MYD88: variants seen among roughly 807,000 people sequenced by gnomAD.
The protein encoded by MYD88 is myeloid differentiation primary response protein MyD88.
A neutral mutation model predicts 31.1 loss-of-function variants in MYD88; 15 were observed. The observed-to-expected ratio is 0.48, with a 90% CI of 0.32 to 0.74. The LOEUF (loss-of-function observed/expected upper bound fraction) is 0.74, where lower values mean the gene tolerates loss of function less well. MYD88 is among the 30% of genes least tolerant of loss of function. The probability of loss-of-function intolerance (pLI) is 0.03; values close to 1 mark genes in which losing one functional copy is unlikely to be tolerated. For missense variants in MYD88, 308 were observed against 387.4 expected, an observed-to-expected ratio of 0.79 and a Z score of 1.72; for synonymous variants, 157 against 158.8, an observed-to-expected ratio of 0.99 and a Z score of 0.08.
Position 38,140,933 on chromosome 3 carries a change from G to C in MYD88, c.736+85G>C, listed in dbSNP as rs577747738. 234 of 1,418,170 alleles carry C rather than the reference G, an allele frequency of 1.7e-4. 1 individual carries two copies. In the Middle Eastern group the frequency reaches 6.1e-3, roughly 37 times the overall value. 87.8% of individuals were successfully genotyped at this position (1,418,170 alleles called of 1,614,324 possible). ...TGTCAGCCTTCCCTCCCCAAGGACTGTGGATGCAGTACCAAAGAACTGCTG... is the reference window on the plus strand; with the variant it reads ...TGTCAGCCTTCCCTCCCCAAGGACTCTGGATGCAGTACCAAAGAACTGCTG... On this transcript the variant is annotated intron_variant, in intron 4 of 4. Coordinates refer to ENST00000650905, the MANE Select transcript of MYD88 (RefSeq NM_002468.5).
In MYD88 at chr3:38,140,486, C is replaced by T. The variant is rs755841635; in HGVS notation, c.562C>T (p.Arg188Ter). 1 of 1,614,234 alleles carries T rather than the reference C, an allele frequency of 6.2e-7. No individual in the cohort carries two copies. Among genetic ancestry groups the T allele is most frequent in the Non-Finnish European group, 8.5e-7 (1 of 1,180,038 alleles). ...CCGGCAACTGGAACAGACAAACTAT[C>T]GACTGAAGTTGTGTGTGTCTGACCG... Reference protein sequence around the residue: ...MIRQLEQTNYRLKLCVSDRDV... With the variant: ...MIRQLEQTNY Residue 188 changes from arginine to a stop codon, truncating the protein, a stop_gained, in exon 3 of 5, where the codon CGA becomes TGA. Coordinates refer to ENST00000650905, the MANE Select transcript of MYD88 (RefSeq NM_002468.5). LOFTEE classifies it high-confidence loss of function.
In MYD88 at chr3:38,142,877, T is replaced by C; in HGVS notation, c.*1591T>C. Reference sequence around the variant, plus strand: ...TAATACTGGGCATTTTAAAGCCATCTCAAGAGGCATCTTCTACATGTTTTG... The same window carrying C: ...TAATACTGGGCATTTTAAAGCCATCCCAAGAGGCATCTTCTACATGTTTTG... On this transcript the variant is annotated 3_prime_UTR_variant, in exon 5 of 5. Transcript: ENST00000650905. 1 of 233,318 alleles carries C rather than the reference T, an allele frequency of 4.3e-6. No homozygotes were observed. The highest frequency in any genetic ancestry group is 5.6e-5 in the Admixed American group (1 of 17,800). 14.5% of individuals were successfully genotyped at this position (233,318 alleles called of 1,614,324 possible).
At position 38,139,809 on chromosome 3, in the gene MYD88, G is replaced by A; in HGVS notation, c.329-55G>A. On this transcript the variant is annotated intron_variant, in intron 1 of 4. Coordinates refer to ENST00000650905, the MANE Select transcript of MYD88 (RefSeq NM_002468.5). This position sits in a 1 kb window ranked among gnomAD's most constrained non-coding sequence, Gnocchi z 4.7. ...GGACAGCGGCTGGATCCTGACTGTG[G>A]GTAAAGAGGTAGGCACTCCCAGGGA... 1.2e-6 allele frequency: 2 copies of A among 1,607,688 alleles called. No individual in the cohort carries two copies. Among genetic ancestry groups the A allele is most frequent in the South Asian group, 1.1e-5 (1 of 90,602 alleles).
Position 38,140,854 on chromosome 3 carries a change from CT to C in MYD88, c.736+7del. 1 of 1,612,302 alleles carries C rather than the reference CT, an allele frequency of 6.2e-7. No homozygotes were observed. The highest frequency in any genetic ancestry group is 8.5e-7 in the Non-Finnish European group (1 of 1,178,306). ...TGCACTCAGCCTCTCTCCAGGTAAG[CT>C]CAACCCTGCTCTGGCAAGAGAATGA... On this transcript the variant is annotated splice_region_variant and intron_variant, in intron 4 of 4. Transcript: ENST00000650905.
Position 38,139,932 on chromosome 3 carries a change from G to A in MYD88, c.397G>A (p.Ala133Thr), listed in dbSNP as rs1701032885. 2 of 1,613,592 alleles carry A rather than the reference G, an allele frequency of 1.2e-6. No homozygotes were observed. The highest frequency in any genetic ancestry group is 8.5e-7 in the Non-Finnish European group (1 of 1,179,972). The change falls in exon 2 of 5, where the codon GCT becomes ACT. Residue 133 changes from alanine (A) to threonine (T), a missense_variant. Ala to Thr is a moderately conservative substitution (Grantham distance 58). Coordinates refer to ENST00000650905, the MANE Select transcript of MYD88 (RefSeq NM_002468.5). The surrounding 1 kb of genome is among the most constrained non-coding windows in gnomAD (Gnocchi z 4.7). ...EEAEKPLQVA[A>T]VDSSVPRTAE... ...GGCTGAGAAGCCTTTACAGGTGGCCGCTGTAGACAGCAGTGTCCCACGGAC... is the reference window on the plus strand; with the variant it reads ...GGCTGAGAAGCCTTTACAGGTGGCCACTGTAGACAGCAGTGTCCCACGGAC...
chr3:38,141,299 G>A lies in MYD88; in HGVS notation c.*13G>A. 6.2e-7 allele frequency: 1 copy of A among 1,614,206 alleles called. No individual in the cohort carries two copies. Among genetic ancestry groups the A allele is most frequent in the African/African-American group, 1.3e-5 (1 of 75,060 alleles). On this transcript the variant is annotated 3_prime_UTR_variant, in exon 5 of 5. Coordinates refer to ENST00000650905, the MANE Select transcript of MYD88 (RefSeq NM_002468.5). ...GTCCCTGCCCTGAAGACTGTTCTGA[G>A]GCCCTGGGTGTGTGTGTATCTGTCT... is the stretch of plus-strand genomic sequence containing the variant.
rs2125777200 is a variant in MYD88 at position 38,139,848 on chromosome 3, T to C, written c.329-16T>C. Reference sequence around the variant, plus strand: ...CACTCCCAGGGAGGCTGCTTTACTCTGTCTCTTCCCCACAGAGGAGGATTG... The same window carrying C: ...CACTCCCAGGGAGGCTGCTTTACTCCGTCTCTTCCCCACAGAGGAGGATTG... On this transcript the variant is annotated splice_polypyrimidine_tract_variant and intron_variant, in intron 1 of 4. Transcript: ENST00000650905. This position sits in a 1 kb window ranked among gnomAD's most constrained non-coding sequence, Gnocchi z 4.7. The C allele has an allele frequency of 3.7e-6, 6 of 1,612,286 alleles. No individual in the cohort carries two copies. Among genetic ancestry groups the C allele is most frequent in the Non-Finnish European group, 5.1e-6 (6 of 1,179,968 alleles).
Position 38,141,822 on chromosome 3 carries a change from C to T in MYD88, c.*536C>T, listed in dbSNP as rs1393611782. ...CTGATGCTTCAGTGCCTCTGCACAC[C>T]GCCCATTCCACTTCCTCCTTCCCCA... On this transcript the variant is annotated 3_prime_UTR_variant, in exon 5 of 5. Coordinates refer to ENST00000650905, the MANE Select transcript of MYD88 (RefSeq NM_002468.5). 5.8e-5 allele frequency: 16 copies of T among 277,172 alleles called. No individual in the cohort carries two copies. In the South Asian group the frequency reaches 1.1e-3, roughly 19 times the overall value. The allele number at this position is 277,172 out of a possible 1,614,324, so 17.2% of individuals were successfully genotyped here.
intron 4 of MYD88, 74 bp downstream of exon 4, chr3:38,140,922 C>T: frequency 2.0e-6 from 3 of 1,474,376 alleles, no homozygotes; most frequent in Non-Finnish European, 1.9e-6. Context: ...AGCCTTCCCT[C>T]CCCAAGGACT....
chr3:38,138,709 A>AGGAGGTCCCGGCGCGGGGTC lies in MYD88; in HGVS notation c.10_29dup (p.Ala11GlufsTer34), dbSNP rs1365585241. On this transcript the variant is annotated frameshift_variant, in exon 1 of 5. Coordinates refer to ENST00000650905, the MANE Select transcript of MYD88 (RefSeq NM_002468.5). LOFTEE classifies it high-confidence loss of function. This position sits in a 1 kb window ranked among gnomAD's most constrained non-coding sequence, Gnocchi z 6.4. ...CTCCAGGACCGCCCGCCATGGCTGCAGGAGGTCCCGGCGCGGGGTCTGCGG... is the reference window on the plus strand; with the variant it reads ...CTCCAGGACCGCCCGCCATGGCTGCAGGAGGTCCCGGCGCGGGGTCGGAGGTCCCGGCGCGGGGTCTGCGG... The AGGAGGTCCCGGCGCGGGGTC allele has an allele frequency of 6.2e-7, 1 of 1,603,748 alleles. No homozygotes were observed. The highest frequency in any genetic ancestry group is 8.5e-7 in the Non-Finnish European group (1 of 1,173,822).
rs1559484109 is a variant in MYD88, at chr3:38,139,515, C to T, written c.329-349C>T. On this transcript the variant is annotated intron_variant, in intron 1 of 4. Coordinates refer to ENST00000650905, the MANE Select transcript of MYD88 (RefSeq NM_002468.5). The surrounding 1 kb of genome is among the most constrained non-coding windows in gnomAD (Gnocchi z 4.7). ...TCACTGCACCATAACCAGTGGGTCTCCTGAGCCTTTCTGGCATGCCCAGCC... is the reference window on the plus strand; with the variant it reads ...TCACTGCACCATAACCAGTGGGTCTTCTGAGCCTTTCTGGCATGCCCAGCC... 1 of 431,668 alleles carries T rather than the reference C, an allele frequency of 2.3e-6. No individual in the cohort carries two copies. Among genetic ancestry groups the T allele is most frequent in the Non-Finnish European group, 4.3e-6 (1 of 231,394 alleles). The allele number at this position is 431,668 out of a possible 1,614,324, so 26.7% of individuals were successfully genotyped here.
chr3:38,141,005 T>C, intron 4 of MYD88, 127 bp from the exon 5 acceptor site: 1 of 1,426,310 alleles, frequency 7.0e-7, no homozygotes, highest in Non-Finnish European at 9.9e-7. Flanking sequence ...TGCCTTTTTG[T>C]GTGAGTGAAT....
At position 38,139,823 on chromosome 3, in the gene MYD88, C is replaced by T. The variant is rs1246113367; in HGVS notation, c.329-41C>T. ...TCCTGACTGTGGGTAAAGAGGTAGG[C>T]ACTCCCAGGGAGGCTGCTTTACTCT... On this transcript the variant is annotated intron_variant, in intron 1 of 4. Transcript: ENST00000650905. The surrounding 1 kb of genome is among the most constrained non-coding windows in gnomAD (Gnocchi z 4.7). The T allele has an allele frequency of 6.2e-7, 1 of 1,610,304 alleles. No individual in the cohort carries two copies. The highest frequency in any genetic ancestry group is 1.7e-5 in the Admixed American group (1 of 60,002).
rs2125775917 is a variant in MYD88 at position 38,138,942 on chromosome 3, G to A, written c.242G>A (p.Arg81His). ...AGGCTGCTGGACGCCTGGCAGGGAC[G>A]CCCTGGCGCCTCTGTAGGCCGACTG... ...TGRLLDAWQG[R>H]PGASVGRLLE... The change falls in exon 1 of 5, where the codon CGC becomes CAC. Residue 81 changes from arginine (R) to histidine (H), a missense_variant. Transcript: ENST00000650905. This position sits in a 1 kb window ranked among gnomAD's most constrained non-coding sequence, Gnocchi z 6.4. The A allele has an allele frequency of 6.2e-7, 1 of 1,611,156 alleles. No individual in the cohort carries two copies. The highest frequency in any genetic ancestry group is 8.5e-7 in the Non-Finnish European group (1 of 1,179,998).
At chr3:38,140,287 G>A in intron 2 of MYD88, 101 bp from the exon 3 acceptor site, 2 of 1,331,572 alleles carry the variant, frequency 1.5e-6, no homozygotes, top group South Asian at 2.5e-5. Flanking sequence ...ATCTTGGGAA[G>A]GGTGCAGGGC....
At chr3:38,140,651 T>C in intron 3 of MYD88, 83 bp downstream of exon 3, 1 of 1,604,936 alleles carries the variant, frequency 6.2e-7, no homozygotes, top group South Asian at 1.1e-5. Context: ...TCCTCCTAGC[T>C]GTGCACTGTC....
chr3:38,139,962 G>A lies in MYD88; in HGVS notation c.427G>A (p.Glu143Lys), dbSNP rs752960096. 8 of 1,613,752 alleles carry A rather than the reference G, an allele frequency of 5.0e-6. No individual in the cohort carries two copies. Among genetic ancestry groups the A allele is most frequent in the Non-Finnish European group, 6.8e-6 (8 of 1,179,956 alleles). Residue 143 changes from glutamate (E) to lysine (K), a missense_variant, in exon 2 of 5, where the codon GAG becomes AAG. Physicochemically the swap from Glu to Lys is moderately conservative, Grantham distance 56. Transcript: ENST00000650905. This position sits in a 1 kb window ranked among gnomAD's most constrained non-coding sequence, Gnocchi z 4.7. ...AGACAGCAGTGTCCCACGGACAGCA[G>A]AGCTGGCGGGCATCACCACACTTGA... ...AVDSSVPRTA[E>K]LAGITTLDDP... is the part of the protein sequence containing the mutation.
chr3:38,142,569 A>G lies in MYD88; in HGVS notation c.*1283A>G, dbSNP rs1234077834. On this transcript the variant is annotated 3_prime_UTR_variant, in exon 5 of 5. Coordinates refer to ENST00000650905, the MANE Select transcript of MYD88 (RefSeq NM_002468.5). ...GAGGAAGAGAGCTGCTTAAACTCAC[A>G]CAACAATGAACTGCAGACACAGCTG... The G allele has an allele frequency of 4.3e-6, 1 of 233,208 alleles. No individual in the cohort carries two copies. The highest frequency in any genetic ancestry group is 6.0e-5 in the East Asian group (1 of 16,604). The allele number at this position is 233,208 out of a possible 1,614,324, so 14.4% of individuals were successfully genotyped here.
chr3:38,141,089 G>C (rs1458259272), intron 4 of MYD88, 43 bp from the exon 5 acceptor site: 2 of 1,614,024 alleles, frequency 1.2e-6, no homozygotes, highest in African/African-American at 2.7e-5. Context: ...GTCCCACCAT[G>C]GGGCAAGGGC....
Sources: allele counts gnomAD v4.1 joint callset, GRCh38; gene constraint gnomAD v4.1.1; non-coding constraint Gnocchi (gnomAD v3.1); transcripts MANE v1.5; gene names NCBI Gene and HGNC (gene_info 2026-07-23, HGNC 2026-07-21).